PARD3: variants seen among roughly 807,000 people sequenced by gnomAD.
PARD3 encodes partitioning defective 3 homolog.
Under a neutral mutation model 155.4 loss-of-function variants are expected in PARD3, and 75 were observed. That is an observed-to-expected ratio of 0.48 (90% CI 0.40 to 0.58). The LOEUF (loss-of-function observed/expected upper bound fraction) is 0.58, where lower values mean the gene tolerates loss of function less well. Ranked by LOEUF, PARD3 falls within the 20% of genes least tolerant of loss-of-function variation. The pLI is 0.00. For missense variants in PARD3, 1,642 were observed against 1,721.7 expected (o/e 0.95, Z 0.82); for synonymous variants, 576 against 610.5 (o/e 0.94, Z 0.83).
intron 3 of PARD3, among the ~76,000 whole-genome samples, chr10:34,492,220 A>T (rs1262236260): frequency 6.6e-6 from 1 of 152,194 alleles, no homozygotes; most frequent in Non-Finnish European, 1.5e-5. Flanking sequence ...TTGAATCAAC[A>T]TAAAAAGAAG....
intron 15 of PARD3, chr10:34,345,152 C>T (rs1837274172): frequency 1.0e-6 from 1 of 985,166 alleles, no homozygotes; most frequent in Admixed American, 6.2e-5. Flanking sequence ...TAGCCAAAAA[C>T]AAAGTAAAAC....
intron 20 of PARD3, among the ~76,000 whole-genome samples, chr10:34,301,822 T>TC (rs1351782583): frequency 4.1e-5 from 5 of 122,650 alleles, no homozygotes; most frequent in African/African-American, 1.2e-4. Context: ...TCCTTTCTTT[T>TC]TTTTTTTTTT....
intron 23 of PARD3, among the ~76,000 whole-genome samples, chr10:34,122,050 C>T (rs917711696): frequency 2.0e-5 from 3 of 152,220 alleles, no homozygotes; most frequent in Non-Finnish European, 4.4e-5. Context: ...CAATGGGAAG[C>T]TTGAGATAAA....
intron 12 of PARD3, among the ~76,000 whole-genome samples, chr10:34,366,346 AGGGTAGGCT>A (rs949879203): frequency 6.6e-6 from 1 of 152,220 alleles, no homozygotes; most frequent in African/African-American, 2.4e-5. Context: ...CACATGAGGT[AGGGTAGGCT>A]GGGTTACAGC....
rs142134793 is a variant in PARD3 at position 34,225,781 on chromosome 10, C to A, written c.3419+43876G>T. Among the ~76,000 whole-genome samples, 312 of 152,206 alleles carry A rather than the reference C, an allele frequency of 2.0e-3. 1 individual carries two copies. Among genetic ancestry groups the A allele is most frequent in the South Asian group, 0.019 (92 of 4,814 alleles). On this transcript the variant is annotated intron_variant, in intron 22 of 24. Transcript: ENST00000374788. The stretch of plus-strand genomic sequence containing the variant: ...GTACATAAGAGCTAAAACTGTAAAA[C>A]TTCTGGAAGAAAACATAAGAGAAAA...
chr10:34,757,763 G>A (rs1836936441), intron 1 of PARD3, among the ~76,000 whole-genome samples: 1 of 152,018 alleles, frequency 6.6e-6, no homozygotes, highest in African/African-American at 2.4e-5. Flanking sequence ...TTCTACTCAT[G>A]CCAACTAGGA....
intron 19 of PARD3, among the ~76,000 whole-genome samples, chr10:34,324,393 C>T (rs1032494349): frequency 4.6e-5 from 7 of 152,028 alleles, no homozygotes; most frequent in African/African-American, 7.2e-5. Flanking sequence ...ACTAGATTGT[C>T]GGGGGAAAAG....
intron 2 of PARD3, among the ~76,000 whole-genome samples, chr10:34,615,013 C>A (rs571822842): frequency 2.6e-5 from 4 of 152,196 alleles, no homozygotes; most frequent in Middle Eastern, 3.4e-3. Flanking sequence ...CACGTCTCTA[C>A]TAAAAATACA....
At chr10:34,798,947 T>G (rs894108587) in intron 1 of PARD3, among the ~76,000 whole-genome samples, 1 of 152,140 alleles carries the variant, frequency 6.6e-6, no homozygotes, top group African/African-American at 2.4e-5. Context: ...CTGAAGAGCT[T>G]TACAGAAACA....
At chr10:34,420,373 C>T (rs1846073141) in intron 5 of PARD3, among the ~76,000 whole-genome samples, 1 of 152,168 alleles carries the variant, frequency 6.6e-6, no homozygotes, top group African/African-American at 2.4e-5. Flanking sequence ...GTAAATTATT[C>T]ACTCTGATCA....
At chr10:34,173,388 G>A (rs1949892482) in intron 22 of PARD3, among the ~76,000 whole-genome samples, 1 of 152,192 alleles carries the variant, frequency 6.6e-6, no homozygotes, top group African/African-American at 2.4e-5. Flanking sequence ...GGGGATCAAG[G>A]TTTGAGGACA....
chr10:34,582,020 C>T (rs968781855), intron 2 of PARD3, among the ~76,000 whole-genome samples: 6 of 152,204 alleles, frequency 3.9e-5, no homozygotes, highest in Non-Finnish European at 8.8e-5. Flanking sequence ...CTGATATTAA[C>T]TATTTAAAAA....
chr10:34,766,617 CAAA>C (rs34958448), intron 1 of PARD3, among the ~76,000 whole-genome samples: 1 of 81,766 alleles, frequency 1.2e-5, no homozygotes, highest in Non-Finnish European at 2.4e-5. Flanking sequence ...ACTTAATTGA[CAAA>C]AAAAAAAAAA....
chr10:34,571,237 C>A, intron 2 of PARD3, among the ~76,000 whole-genome samples: 1 of 152,062 alleles, frequency 6.6e-6, no homozygotes. Flanking sequence ...TTACTTGAGC[C>A]CAGGAAGTCA....
chr10:34,716,279 G>C (rs187440716), intron 1 of PARD3, among the ~76,000 whole-genome samples: 1 of 152,274 alleles, frequency 6.6e-6, no homozygotes, highest in Admixed American at 6.5e-5. Context: ...TTAAAACAGA[G>C]AATACATCAA....
chr10:34,613,335 T>C (rs2091040374), intron 2 of PARD3, among the ~76,000 whole-genome samples: 1 of 152,220 alleles, frequency 6.6e-6, no homozygotes, highest in South Asian at 2.1e-4. Context: ...TTCTTAGGGC[T>C]TGCTAGTGAA....
At chr10:34,525,160 T>C (rs1330025146) in intron 2 of PARD3, among the ~76,000 whole-genome samples, 3 of 152,202 alleles carry the variant, frequency 2.0e-5, no homozygotes, top group Non-Finnish European at 4.4e-5. Context: ...ATCATAGTAA[T>C]ACAAACTATA....
chr10:34,586,594 T>C (rs1590121377), intron 2 of PARD3, among the ~76,000 whole-genome samples: 1 of 152,292 alleles, frequency 6.6e-6, no homozygotes, highest in South Asian at 2.1e-4. Context: ...GCATAATGAT[T>C]AAAGAAAATT....
chr10:34,412,004 C>T (rs74726682), intron 5 of PARD3, among the ~76,000 whole-genome samples: 2 of 149,520 alleles, frequency 1.3e-5, no homozygotes, highest in African/African-American at 2.5e-5. Flanking sequence ...ATTCTGTCAC[C>T]TAGGCTGGAG....
Sources: allele counts gnomAD v4.1 joint callset (sites outside exome capture counted in the v4.1 genomes callset), GRCh38; gene constraint gnomAD v4.1.1; transcripts MANE v1.5; gene names NCBI Gene and HGNC (gene_info 2026-07-23, HGNC 2026-07-21).